CDH13: variants seen among roughly 807,000 people sequenced by gnomAD.
The protein encoded by CDH13 is cadherin 13.
In CDH13, 24 loss-of-function variants were observed where a neutral mutation model predicts 63.8. The observed-to-expected ratio is 0.38, with a 90% confidence interval of 0.27 to 0.53. The LOEUF is 0.53. Ranked by LOEUF, CDH13 falls within the 20% of genes least tolerant of loss-of-function variation. The pLI, the probability that CDH13 is intolerant of heterozygous loss-of-function variation, is 0.85. For synonymous variants in CDH13, 503 were observed against 355.3 expected, an observed-to-expected ratio of 1.42 and a Z score of -4.67; for missense variants, 1,049 against 903.1, an observed-to-expected ratio of 1.16 and a Z score of -2.07.
chr16:83,090,709 G>A (rs968632471), intron 3 of CDH13, among the ~76,000 whole-genome samples: 2 of 151,900 alleles, frequency 1.3e-5, no homozygotes, highest in Non-Finnish European at 2.9e-5. Context: ...TGTCTGCTCC[G>A]ACTGCACGAG....
At chr16:83,352,558 A>G (rs1179262283) in intron 6 of CDH13, among the ~76,000 whole-genome samples, 1 of 152,190 alleles carries the variant, frequency 6.6e-6, no homozygotes, top group African/African-American at 2.4e-5. Context: ...CACCATACAT[A>G]CATACACACA....
chr16:83,588,896 T>C (rs1906438861), intron 7 of CDH13, among the ~76,000 whole-genome samples: 1 of 152,216 alleles, frequency 6.6e-6, no homozygotes, highest in Non-Finnish European at 1.5e-5. Flanking sequence ...GCCAGGAGGC[T>C]GCTGGGCGTC....
chr16:83,297,500 G>C (rs151336430), intron 5 of CDH13, among the ~76,000 whole-genome samples: 1 of 152,096 alleles, frequency 6.6e-6, no homozygotes, highest in East Asian at 1.9e-4. Flanking sequence ...TTCTCAAATA[G>C]CTCTAACTTA....
At chr16:83,473,987 C>G (rs2073533618) in intron 6 of CDH13, among the ~76,000 whole-genome samples, 1 of 152,138 alleles carries the variant, frequency 6.6e-6, no homozygotes, top group African/African-American at 2.4e-5. Context: ...CCCCATCACT[C>G]CTGCACCAAC....
chr16:83,320,464 A>C (rs542547657), intron 5 of CDH13, among the ~76,000 whole-genome samples: 4 of 152,236 alleles, frequency 2.6e-5, no homozygotes, highest in Non-Finnish European at 5.9e-5. Context: ...GGCTGGACAC[A>C]GGATGAAACA....
At chr16:83,654,246 C>CA (rs1049370062) in intron 8 of CDH13, among the ~76,000 whole-genome samples, 12 of 150,530 alleles carry the variant, frequency 8.0e-5, no homozygotes, top group African/African-American at 2.4e-4. Context: ...TTAAAAATGG[C>CA]AAAAAATTGC....
chr16:82,696,852 A>T (rs2030359346), intron 1 of CDH13, among the ~76,000 whole-genome samples: 1 of 152,198 alleles, frequency 6.6e-6, no homozygotes, highest in Admixed American at 6.5e-5. Flanking sequence ...TGTTGGTTGA[A>T]ATAGGAGTCA....
intron 1 of CDH13, among the ~76,000 whole-genome samples, chr16:82,806,180 C>T (rs942800195): frequency 2.0e-5 from 3 of 152,176 alleles, no homozygotes; most frequent in African/African-American, 7.2e-5. Context: ...CTCTTGCTTC[C>T]TTGCTGAACT....
chr16:83,230,513 C>T (rs547679322), intron 5 of CDH13, among the ~76,000 whole-genome samples: 110 of 152,238 alleles, frequency 7.2e-4, no homozygotes, highest in Middle Eastern at 3.4e-3. Context: ...CAGGCCGGCA[C>T]GGTGGCTCAC....
chr16:83,006,981 T>G (rs928865208), intron 2 of CDH13, among the ~76,000 whole-genome samples: 1 of 151,132 alleles, frequency 6.6e-6, no homozygotes, highest in Admixed American at 6.6e-5. Context: ...TGGAGTGCAA[T>G]GGCATGATCT....
At chr16:83,004,253 G>A (rs1597391310) in intron 2 of CDH13, among the ~76,000 whole-genome samples, 1 of 152,106 alleles carries the variant, frequency 6.6e-6, no homozygotes, top group Non-Finnish European at 1.5e-5. Context: ...GAAGCAGGAG[G>A]AAAGGGTCAT....
chr16:83,583,842 A>G (rs11649096), intron 7 of CDH13, among the ~76,000 whole-genome samples: 5,219 of 152,256 alleles, frequency 0.034, 117 homozygotes, highest in Non-Finnish European at 0.053. Flanking sequence ...ACTTGAGCCC[A>G]CGAGGGAGAG....
intron 5 of CDH13, among the ~76,000 whole-genome samples, chr16:83,235,597 T>TTC (rs1555517043): frequency 1.5e-4 from 22 of 151,112 alleles, no homozygotes; most frequent in Non-Finnish European, 3.1e-4. Flanking sequence ...TTTTTTTTTT[T>TTC]CTCATTGCAG....
chr16:83,675,477 G>C (rs1393635192), intron 9 of CDH13, among the ~76,000 whole-genome samples: 1 of 152,196 alleles, frequency 6.6e-6, no homozygotes, highest in Non-Finnish European at 1.5e-5. Flanking sequence ...GGGAGTGTCA[G>C]CCTGGGAACA....
intron 5 of CDH13, among the ~76,000 whole-genome samples, chr16:83,220,465 C>A (rs1198259423): frequency 6.6e-6 from 1 of 152,104 alleles, no homozygotes; most frequent in Non-Finnish European, 1.5e-5. Flanking sequence ...TCCTGGGTCT[C>A]CAAATCCTCA....
chr16:83,431,797 C>T (rs900363927), intron 6 of CDH13, among the ~76,000 whole-genome samples: 1 of 152,126 alleles, frequency 6.6e-6, no homozygotes, highest in Non-Finnish European at 1.5e-5. Flanking sequence ...GAATTCACCC[C>T]CATGATCTAA....
chr16:83,464,949 C>G (rs1172310939), intron 6 of CDH13, among the ~76,000 whole-genome samples: 1 of 152,124 alleles, frequency 6.6e-6, no homozygotes, highest in African/African-American at 2.4e-5. Context: ...TTTACTGTAT[C>G]TAGCAAGGGC....
intron 1 of CDH13, among the ~76,000 whole-genome samples, chr16:82,699,383 C>G (rs930534277): frequency 1.3e-5 from 2 of 152,166 alleles, no homozygotes; most frequent in African/African-American, 4.8e-5. Context: ...ATACACTCTG[C>G]AAGTGGAGAG....
intron 3 of CDH13, among the ~76,000 whole-genome samples, chr16:83,056,258 G>C (rs1057254208): frequency 3.9e-5 from 6 of 152,148 alleles, no homozygotes. Context: ...CTCACACACT[G>C]TAAAGCTGAA....
Sources: gnomAD v4.1 joint callset for allele counts (sites outside exome capture counted in the v4.1 genomes callset) on GRCh38, gnomAD v4.1.1 for gene constraint, MANE v1.5 for transcripts, NCBI Gene and HGNC (gene_info 2026-07-23, HGNC 2026-07-21) for gene names.